Variants in CALN1 observed in about 807,000 individuals in gnomAD.
CALN1 encodes the protein calneuron 1.
In CALN1, 17 loss-of-function variants were observed where a neutral mutation model predicts 30.6. That is an observed-to-expected ratio of 0.56 (90% CI 0.38 to 0.83). The LOEUF (loss-of-function observed/expected upper bound fraction) is 0.83. Ranked by LOEUF, CALN1 falls within the 40% of genes least tolerant of loss-of-function variation. CALN1 has a pLI of 0.00. For missense variants in CALN1, 291 were observed against 354.9 expected, an observed-to-expected ratio of 0.82 and a Z score of 1.45; for synonymous variants, 156 against 131.4, an observed-to-expected ratio of 1.19 and a Z score of -1.28.
At chr7:72,499,283 A>G in the CALN1 span, among the ~76,000 whole-genome samples, 3 of 152,112 alleles carry the variant, frequency 2.0e-5, no homozygotes, top group East Asian at 5.8e-4. Flanking sequence ...CACCCACCTC[A>G]GCCTCCCAAA....
At chr7:72,370,656 CAAA>C (rs374531193) in intron 2 of CALN1, among the ~76,000 whole-genome samples, 4 of 100,866 alleles carry the variant, frequency 4.0e-5, no homozygotes, top group African/African-American at 3.9e-5. Flanking sequence ...GACTCCGTCT[CAAA>C]AAAAAAAAAA....
intron 2 of CALN1, among the ~76,000 whole-genome samples, chr7:72,309,787 T>G (rs1799915975): frequency 1.3e-5 from 2 of 152,134 alleles, no homozygotes; most frequent in African/African-American, 4.8e-5. Context: ...CCAACCTCAT[T>G]TAGTCATCTC....
intron 3 of CALN1, among the ~76,000 whole-genome samples, chr7:72,262,576 G>A (rs1249997169): frequency 6.6e-6 from 1 of 152,020 alleles, no homozygotes; most frequent in African/African-American, 2.4e-5. Context: ...CAATGTTTAT[G>A]TCTCACTTAT....
intron 1 of CALN1, among the ~76,000 whole-genome samples, chr7:72,408,675 C>CTTTTTTTTTTTTTTTTTTTTTTT (rs534883618): frequency 1.3e-5 from 1 of 77,966 alleles, no homozygotes; most frequent in Non-Finnish European, 2.3e-5. Flanking sequence ...TTATCTTTTC[C>CTTTTTTTTTTTTTTTTTTTTTTT]TTTTTTTTTT....
At chr7:72,255,866 G>A (rs927660968) in intron 3 of CALN1, among the ~76,000 whole-genome samples, 13 of 152,068 alleles carry the variant, frequency 8.5e-5, no homozygotes, top group South Asian at 2.1e-4. Flanking sequence ...GAGTAGCTGC[G>A]ATTACAGATG....
intron 1 of CALN1, among the ~76,000 whole-genome samples, chr7:72,408,515 G>A (rs1008635185): frequency 2.0e-5 from 3 of 151,918 alleles, no homozygotes; most frequent in African/African-American, 7.3e-5. Context: ...AGCGTAACTG[G>A]AATATGTTGG....
intron 4 of CALN1, among the ~76,000 whole-genome samples, chr7:72,072,768 T>C (rs1804486768): frequency 6.6e-6 from 1 of 152,168 alleles, no homozygotes; most frequent in Non-Finnish European, 1.5e-5. Flanking sequence ...CATGTAAAAG[T>C]GGGGATGAAG....
intron 3 of CALN1, among the ~76,000 whole-genome samples, chr7:72,124,457 C>T (rs115341666): frequency 0.019 from 2,918 of 152,116 alleles, 97 homozygotes; most frequent in African/African-American, 0.067. Context: ...TTGGGTAACA[C>T]AGCCAGAACC....
At chr7:72,018,334 C>T (rs1364570635) in intron 5 of CALN1, among the ~76,000 whole-genome samples, 1 of 152,116 alleles carries the variant, frequency 6.6e-6, no homozygotes, top group East Asian at 1.9e-4. Flanking sequence ...ACCCCCCAGT[C>T]CTGAGTCTCA....
intron 2 of CALN1, among the ~76,000 whole-genome samples, chr7:72,331,268 T>C (rs1444946158): frequency 6.6e-6 from 1 of 151,966 alleles, no homozygotes; most frequent in Admixed American, 6.6e-5. Flanking sequence ...AAGAATCGCT[T>C]GAACCCAGGA....
chr7:72,469,145 A>G, the CALN1 span, among the ~76,000 whole-genome samples: 359 of 152,318 alleles, frequency 2.4e-3, 1 homozygote, highest in African/African-American at 8.2e-3. Context: ...AAACCTGGTC[A>G]TGAATATTTA....
chr7:71,803,945 TGTGC>T (rs886276761), intron 6 of CALN1, among the ~76,000 whole-genome samples: 1 of 18,544 alleles, frequency 5.4e-5, no homozygotes, highest in African/African-American at 2.1e-4. Context: ...TGTGTATGTG[TGTGC>T]GTGTGTGTGT....
intron 3 of CALN1, among the ~76,000 whole-genome samples, chr7:72,161,855 A>G (rs1788135962): frequency 6.6e-6 from 1 of 151,980 alleles, no homozygotes; most frequent in Non-Finnish European, 1.5e-5. Flanking sequence ...AACCACCATA[A>G]CACATGCTCA....
intron 4 of CALN1, among the ~76,000 whole-genome samples, chr7:72,037,447 G>C: frequency 6.6e-6 from 1 of 152,108 alleles, no homozygotes; most frequent in East Asian, 1.9e-4. Flanking sequence ...ATTGCACCCA[G>C]CCTCCTTTCA....
At position 72,377,616 on chromosome 7, in the gene CALN1, C is replaced by T. The variant is rs112050378; in HGVS notation, c.119+25635G>A. On this transcript the variant is annotated intron_variant, in intron 2 of 6. Transcript: ENST00000395275. ...TTATTGTTTGTTTGTTTAGCAACTT[C>T]TCTGAACTAATTTTGTAAAGTCTGT... Among the ~76,000 whole-genome samples the T allele has an allele frequency of 5.9e-5, 9 of 152,236 alleles. No homozygotes were observed. In the Middle Eastern group the frequency reaches 0.01, roughly 173 times the overall value.
chr7:72,393,321 G>A (rs1350696611), intron 2 of CALN1, among the ~76,000 whole-genome samples: 8 of 151,856 alleles, frequency 5.3e-5, no homozygotes, highest in Non-Finnish European at 1.0e-4. Context: ...GAAATTAGCC[G>A]GGCATGGTGG....
chr7:71,894,916 A>G (rs573528172), intron 5 of CALN1, among the ~76,000 whole-genome samples: 1 of 152,296 alleles, frequency 6.6e-6, no homozygotes, highest in South Asian at 2.1e-4. Flanking sequence ...GATAAGAAAA[A>G]CAGACTGCAA....
At chr7:72,033,586 T>C (rs1801593303) in intron 4 of CALN1, among the ~76,000 whole-genome samples, 1 of 152,078 alleles carries the variant, frequency 6.6e-6, no homozygotes. Flanking sequence ...GAGGGAAGGA[T>C]TCTAATGAAT....
chr7:72,313,175 A>G (rs1263977845), intron 2 of CALN1, among the ~76,000 whole-genome samples: 2 of 152,274 alleles, frequency 1.3e-5, no homozygotes, highest in East Asian at 3.9e-4. Flanking sequence ...TGGCACTGGA[A>G]AAAGAATGGA....
Sources: gnomAD v4.1 joint callset for allele counts (sites outside exome capture counted in the v4.1 genomes callset) on GRCh38, gnomAD v4.1.1 for gene constraint, MANE v1.5 for transcripts, NCBI Gene and HGNC (gene_info 2026-07-23, HGNC 2026-07-21) for gene names.